The following AIM2 variants were observed in gnomAD, a reference collection of about 807,000 sequenced individuals.
The protein encoded by AIM2 is interferon-inducible protein AIM2.
In AIM2, 30 loss-of-function variants were observed where a neutral mutation model predicts 27.7. That is an observed-to-expected ratio of 1.08 (90% CI 0.81 to 1.47). The LOEUF (loss-of-function observed/expected upper bound fraction) is 1.47. AIM2 is among the 40% of genes most tolerant of loss of function. The pLI, the probability that AIM2 is intolerant of heterozygous loss-of-function variation, is 0.00. For synonymous variants in AIM2, 141 were observed against 145.3 expected (o/e 0.97, Z 0.21); for missense variants, 358 against 411.3 (o/e 0.87, Z 1.12).
upstream of AIM2, among the ~76,000 whole-genome samples, chr1:159,079,800 AG>A (rs1173706509): frequency 6.6e-6 from 1 of 152,160 alleles, no homozygotes; most frequent in Non-Finnish European, 1.5e-5. Context: ...AGTATCATAC[AG>A]GGTGGTTTCC....
intron 1 of AIM2, among the ~76,000 whole-genome samples, chr1:159,094,333 C>T (rs1570960762): frequency 1.3e-5 from 2 of 152,170 alleles, no homozygotes; most frequent in African/African-American, 4.8e-5. Flanking sequence ...CATAGCTATT[C>T]ATTGAGCTGG....
chr1:159,095,095 C>T (rs1039236656), intron 1 of AIM2, among the ~76,000 whole-genome samples: 1 of 152,144 alleles, frequency 6.6e-6, no homozygotes, highest in Non-Finnish European at 1.5e-5. Context: ...GAGAGAGAAG[C>T]ACTACAGGTA....
intron 1 of AIM2, among the ~76,000 whole-genome samples, chr1:159,075,574 C>CACACACACAT (rs1553215635): frequency 1.8e-5 from 2 of 109,148 alleles, no homozygotes; most frequent in African/African-American, 5.7e-5. Context: ...CACACACACA[C>CACACACACAT]ATATATATAT....
At chr1:159,121,587 C>T (rs1002631211) in intron 1 of AIM2, among the ~76,000 whole-genome samples, 1 of 152,096 alleles carries the variant, frequency 6.6e-6, no homozygotes, top group African/African-American at 2.4e-5. Flanking sequence ...AGTATCTATA[C>T]CTAGGCTCCC....
chr1:159,088,622 T>A (rs551414013), intron 1 of AIM2, among the ~76,000 whole-genome samples: 2 of 152,338 alleles, frequency 1.3e-5, no homozygotes, highest in South Asian at 4.1e-4. Flanking sequence ...TGTGGTAATA[T>A]TGACAGGTGG....
At chr1:159,066,608 A>G (rs1397355756) in intron 3 of AIM2, among the ~76,000 whole-genome samples, 2 of 152,196 alleles carry the variant, frequency 1.3e-5, no homozygotes, top group Non-Finnish European at 2.9e-5. Context: ...GCCATGTACT[A>G]TATATAAAGA....
chr1:159,125,337 CA>C, intron 1 of AIM2, among the ~76,000 whole-genome samples: 1 of 152,304 alleles, frequency 6.6e-6, no homozygotes, highest in South Asian at 2.1e-4. Flanking sequence ...CATGCTTAGC[CA>C]GAGGCTGTGA....
At chr1:159,059,087 A>G (rs572657388), downstream of AIM2, among the ~76,000 whole-genome samples, 1 of 152,332 alleles carries the variant, frequency 6.6e-6, no homozygotes, top group South Asian at 2.1e-4. Context: ...TATGCCCAAT[A>G]AGGAAAAGAG....
chr1:159,134,295 A>C (rs863028), intron 1 of AIM2, among the ~76,000 whole-genome samples: 135,615 of 152,298 alleles, frequency 0.89, 60,550 homozygotes, highest in East Asian at 1. Flanking sequence ...AATTTAGCTC[A>C]AGCATCTATC....
At chr1:159,103,073 G>A (rs1657350382) in intron 1 of AIM2, among the ~76,000 whole-genome samples, 1 of 152,190 alleles carries the variant, frequency 6.6e-6, no homozygotes, top group Non-Finnish European at 1.5e-5. Flanking sequence ...GTCGTGGGAG[G>A]CACCCAGTGG....
chr1:159,129,511 T>C (rs1321876621), intron 1 of AIM2, among the ~76,000 whole-genome samples: 1 of 152,164 alleles, frequency 6.6e-6, no homozygotes, highest in Non-Finnish European at 1.5e-5. Flanking sequence ...TCAAGCTAGA[T>C]TGACTGGGTA....
chr1:159,055,994 G>T, the AIM2 span, among the ~76,000 whole-genome samples: 1 of 152,170 alleles, frequency 6.6e-6, no homozygotes, highest in African/African-American at 2.4e-5. Flanking sequence ...CGTTAGGAGA[G>T]GGTTGTGGGG....
At chr1:159,066,407 T>C in intron 3 of AIM2, 78 bp from the exon 4 acceptor site, 3 of 1,445,224 alleles carry the variant, frequency 2.1e-6, no homozygotes, top group Non-Finnish European at 2.8e-6. Flanking sequence ...CCTACAGTGC[T>C]AAACCTCAGA....
intron 1 of AIM2, among the ~76,000 whole-genome samples, chr1:159,087,284 C>T (rs1656936838): frequency 6.6e-6 from 1 of 150,964 alleles, no homozygotes; most frequent in Non-Finnish European, 1.5e-5. Context: ...AGGGCTGAGT[C>T]AGGGTGATGG....
intron 2 of AIM2, among the ~76,000 whole-genome samples, chr1:159,071,659 G>A (rs1015410474): frequency 3.3e-5 from 5 of 152,146 alleles, no homozygotes; most frequent in South Asian, 2.1e-4. Context: ...ACAGATGCCC[G>A]CCACCATGCC....
At position 159,125,057 on chromosome 1, in the gene AIM2, A is replaced by G. The variant is rs566981287; in HGVS notation, c.-16+15374T>C. Among the ~76,000 whole-genome samples, 6 of 152,326 alleles carry G rather than the reference A, an allele frequency of 3.9e-5. No individual in the cohort carries two copies. In the East Asian group the frequency reaches 1.2e-3, roughly 29 times the overall value. On this transcript the variant is annotated intron_variant, in intron 1 of 2. Transcript: ENST00000368129. Reference sequence around the variant, plus strand: ...GACAGCGATAGCAGTGTCCCCAGGGAACAGGCTATTGGCATGCTGGTTGTG... The same window carrying G: ...GACAGCGATAGCAGTGTCCCCAGGGGACAGGCTATTGGCATGCTGGTTGTG...
At chr1:159,060,268 A>G (rs1323034345), downstream of AIM2, among the ~76,000 whole-genome samples, 1 of 152,202 alleles carries the variant, frequency 6.6e-6, no homozygotes, top group Non-Finnish European at 1.5e-5. Flanking sequence ...ATTGTTTTAA[A>G]GTCCCTGATT....
intron 1 of AIM2, among the ~76,000 whole-genome samples, chr1:159,145,953 A>T (rs1648193568): frequency 6.6e-6 from 1 of 152,084 alleles, no homozygotes; most frequent in East Asian, 1.9e-4. Context: ...TAAAAATATA[A>T]AAAGTAGCTG....
intron 1 of AIM2, among the ~76,000 whole-genome samples, chr1:159,116,544 A>G (rs1341881635): frequency 1.3e-5 from 2 of 152,146 alleles, no homozygotes; most frequent in East Asian, 1.9e-4. Context: ...GGACATGGAT[A>G]AAGCTGGAAA....
Sources: allele counts gnomAD v4.1 joint callset (sites outside exome capture counted in the v4.1 genomes callset), GRCh38; gene constraint gnomAD v4.1.1; transcripts MANE v1.5; gene names NCBI Gene and HGNC (gene_info 2026-07-23, HGNC 2026-07-21).